The following RUNX2 variants were observed in gnomAD, a reference collection of about 807,000 sequenced individuals.
RUNX2 encodes runt-related transcription factor 2.
RUNX2 carries 10 observed loss-of-function variants against 51.7 expected under a neutral mutation model. The observed-to-expected ratio is 0.19, with a 90% CI of 0.12 to 0.33. The LOEUF (loss-of-function observed/expected upper bound fraction) is 0.33. Among genes scored for constraint, RUNX2 ranks in the 10% least tolerant of loss-of-function variants. RUNX2 has a pLI of 1.00. For missense variants in RUNX2, 562 were observed against 691.3 expected, an observed-to-expected ratio of 0.81 and a Z score of 2.10; for synonymous variants, 276 against 273.6, an observed-to-expected ratio of 1.01 and a Z score of -0.09.
At chr6:45,487,639 G>T (rs1279982910) in intron 5 of RUNX2, among the ~76,000 whole-genome samples, 1 of 152,014 alleles carries the variant, frequency 6.6e-6, no homozygotes, top group East Asian at 1.9e-4. Context: ...GAAAGAATAT[G>T]ATATATATAA....
intron 2 of RUNX2, among the ~76,000 whole-genome samples, chr6:45,345,751 C>T (rs1420556187): frequency 6.6e-6 from 1 of 152,182 alleles, no homozygotes; most frequent in Non-Finnish European, 1.5e-5. Flanking sequence ...TCAATGCACA[C>T]CGTACCTTTA....
At chr6:45,337,508 T>C (rs866556637) in intron 2 of RUNX2, among the ~76,000 whole-genome samples, 1 of 151,840 alleles carries the variant, frequency 6.6e-6, no homozygotes, top group Non-Finnish European at 1.5e-5. Flanking sequence ...CATCTACACA[T>C]AGAAAGCAAC....
chr6:45,443,296 C>G (rs938738019), intron 5 of RUNX2, among the ~76,000 whole-genome samples: 3 of 152,050 alleles, frequency 2.0e-5, no homozygotes, highest in African/African-American at 7.2e-5. Flanking sequence ...AGTGATCCTC[C>G]TGCTTTGGCC....
At chr6:45,446,503 T>C (rs547134071) in intron 5 of RUNX2, among the ~76,000 whole-genome samples, 71 of 145,996 alleles carry the variant, frequency 4.9e-4, no homozygotes, top group South Asian at 2.6e-3. Context: ...TTGTCTCTCT[T>C]TTTTTTTTTT....
intron 5 of RUNX2, among the ~76,000 whole-genome samples, chr6:45,456,229 A>G (rs1799313994): frequency 6.6e-6 from 1 of 152,322 alleles, no homozygotes; most frequent in South Asian, 2.1e-4. Context: ...ATGTATGAAT[A>G]TATATTCACA....
At chr6:45,359,358 C>G (rs1040517883) in intron 2 of RUNX2, among the ~76,000 whole-genome samples, 1 of 152,078 alleles carries the variant, frequency 6.6e-6, no homozygotes, top group African/African-American at 2.4e-5. Flanking sequence ...TGCCTTTATA[C>G]ATATTCTCAC....
chr6:45,538,387 CCTT>C (rs1311994320), intron 7 of RUNX2, among the ~76,000 whole-genome samples: 2 of 152,064 alleles, frequency 1.3e-5, no homozygotes, highest in East Asian at 3.9e-4. Flanking sequence ...ATGTGTACAA[CCTT>C]CTGCCAGGAT....
intron 2 of RUNX2, among the ~76,000 whole-genome samples, chr6:45,406,010 C>T (rs140833336): frequency 6.6e-6 from 1 of 152,128 alleles, no homozygotes; most frequent in Non-Finnish European, 1.5e-5. Flanking sequence ...TATATGTAAA[C>T]CACTTAGAAA....
intron 5 of RUNX2, among the ~76,000 whole-genome samples, chr6:45,448,521 G>C (rs537349876): frequency 6.6e-5 from 10 of 152,284 alleles, no homozygotes; most frequent in African/African-American, 2.4e-4. Context: ...GGTGAGACTA[G>C]CTCTGGGCAA....
chr6:45,412,049 G>C (rs1259925992), intron 2 of RUNX2, among the ~76,000 whole-genome samples: 2 of 151,960 alleles, frequency 1.3e-5, no homozygotes, highest in Non-Finnish European at 2.9e-5. Flanking sequence ...GTAAAAATCC[G>C]AATTAAAACT....
intron 2 of RUNX2, among the ~76,000 whole-genome samples, chr6:45,334,146 T>C (rs918524167): frequency 6.6e-6 from 1 of 151,230 alleles, no homozygotes; most frequent in Non-Finnish European, 1.5e-5. Flanking sequence ...ATCAGATTAG[T>C]GACATTTCTA....
intron 5 of RUNX2, among the ~76,000 whole-genome samples, chr6:45,478,529 T>C (rs1221796484): frequency 2.0e-5 from 3 of 152,248 alleles, no homozygotes; most frequent in East Asian, 3.8e-4. Context: ...TCCCAAGTTT[T>C]CCTGCTCCTT....
intron 2 of RUNX2, among the ~76,000 whole-genome samples, chr6:45,391,891 C>T (rs944944328): frequency 6.6e-6 from 1 of 152,162 alleles, no homozygotes; most frequent in African/African-American, 2.4e-5. Context: ...ATGTATCACA[C>T]ACTATGGAAG....
Position 45,422,917 on chromosome 6 carries a change from C to G in RUNX2, c.383C>G (p.Ser128Trp). Residue 128 changes from serine (S) to tryptophan (W), a missense_variant, in exon 3 of 9, where the codon TCG becomes TGG. By Grantham distance (177) the Ser-to-Trp change is radical. Around this residue, in one of 5 missense-constraint regions of RUNX2, gnomAD observed 67 missense variants for 106.5 expected, o/e 0.63. Coordinates refer to ENST00000647337, the MANE Select transcript of RUNX2 (RefSeq NM_001024630.4). ...AACTTCCTGTGCTCGGTGCTGCCCT[C>G]GCACTGGCGCTGCAACAAGACCCTG... ...SPNFLCSVLP[S>W]HWRCNKTLPV... 6.2e-7 allele frequency: 1 copy of G among 1,612,642 alleles called. No individual in the cohort carries two copies. The highest frequency in any genetic ancestry group is 8.5e-7 in the Non-Finnish European group (1 of 1,179,664).
Position 45,431,930 on chromosome 6 carries a change from A to G in RUNX2, c.491A>G (p.Tyr164Cys). The change falls in exon 4 of 9, where the codon TAT becomes TGT. Residue 164 changes from tyrosine to cysteine, a missense_variant. Tyr to Cys is a radical substitution (Grantham distance 194). Transcript: ENST00000647337. ...GTCATGGCGGGTAACGATGAAAATT[A>G]TTCTGCTGAGCTCCGGAATGCCTCT... ...VTVMAGNDEN[Y>C]SAELRNASAV... is the part of the protein sequence containing the mutation. 2 of 1,614,150 alleles carry G rather than the reference A, an allele frequency of 1.2e-6. No homozygotes were observed. Among genetic ancestry groups the G allele is most frequent in the Non-Finnish European group, 1.7e-6 (2 of 1,180,018 alleles).
Position 45,429,164 on chromosome 6 carries a change from G to A in RUNX2, c.424-2699G>A, listed in dbSNP as rs189672051. The stretch of plus-strand genomic sequence containing the variant: ...GTTCCTGGAGATGAAGTTATTTTGT[G>A]TGAGGTCATAGCAGATATGTAGCAG... On this transcript the variant is annotated intron_variant, in intron 3 of 8. Coordinates refer to ENST00000647337, the MANE Select transcript of RUNX2 (RefSeq NM_001024630.4). Among the ~76,000 whole-genome samples the A allele has an allele frequency of 1.9e-3, 291 of 152,272 alleles. 2 individuals are homozygous for A. Among genetic ancestry groups the A allele is most frequent in the African/African-American group, 6.6e-3 (274 of 41,544 alleles).
chr6:45,466,419 G>T (rs1799631624), intron 5 of RUNX2, among the ~76,000 whole-genome samples: 1 of 152,182 alleles, frequency 6.6e-6, no homozygotes, highest in East Asian at 1.9e-4. Flanking sequence ...AAAAAAATGG[G>T]GAGAAGTTAG....
intron 2 of RUNX2, chr6:45,365,365 A>T (rs976999892): frequency 2.7e-5 from 30 of 1,106,526 alleles, no homozygotes; most frequent in Non-Finnish European, 3.8e-5. Flanking sequence ...GCAAAAAAAA[A>T]AGAAAGCAAA....
At chr6:45,476,593 GACTGGGTAAAAA>G (rs760947979) in intron 5 of RUNX2, among the ~76,000 whole-genome samples, 32 of 152,154 alleles carry the variant, frequency 2.1e-4, no homozygotes, top group Non-Finnish European at 3.5e-4. Context: ...AGGGCTTTTA[GACTGGGTAAAAA>G]ATTCTCCCAT....
Sources: allele counts gnomAD v4.1 joint callset (sites outside exome capture counted in the v4.1 genomes callset), GRCh38; gene constraint gnomAD v4.1.1; regional missense constraint gnomAD v4.1.1; transcripts MANE v1.5; gene names NCBI Gene and HGNC (gene_info 2026-07-23, HGNC 2026-07-21).